The following TFAM variants were observed in gnomAD, a reference collection of about 807,000 sequenced individuals.
TFAM encodes the protein mitochondrial transcription factor 1.
In TFAM, 13 loss-of-function variants were observed where a neutral mutation model predicts 30.6. The observed-to-expected ratio is 0.42, with a 90% CI of 0.28 to 0.67. TFAM has a LOEUF of 0.67. Among genes scored for constraint, TFAM ranks in the 30% least tolerant of loss-of-function variants. The probability of loss-of-function intolerance (pLI) is 0.21; values close to 1 mark genes in which losing one functional copy is unlikely to be tolerated. For missense variants in TFAM, 231 were observed against 293.7 expected, an observed-to-expected ratio of 0.79 and a Z score of 1.56; for synonymous variants, 106 against 94.8, an observed-to-expected ratio of 1.12 and a Z score of -0.69.
In TFAM at chr10:58,385,416, C is replaced by T. The variant is rs1053101601; in HGVS notation, c.-132C>T. On this transcript the variant is annotated 5_prime_UTR_variant, in exon 1 of 7. Transcript: ENST00000487519. Reference sequence around the variant, plus strand: ...GGATGTTAGCAGATTTCCCATAGTGCCTCGCTAGTGGCGGGCATGATAACA... The same window carrying T: ...GGATGTTAGCAGATTTCCCATAGTGTCTCGCTAGTGGCGGGCATGATAACA... 6 of 732,130 alleles carry T rather than the reference C, an allele frequency of 8.2e-6. No homozygotes were observed. In the African/African-American group the frequency reaches 8.6e-5, roughly 11 times the overall value. 45.4% of individuals were successfully genotyped at this position (732,130 alleles called of 1,614,324 possible).
intron 5 of TFAM, among the ~76,000 whole-genome samples, chr10:58,392,383 T>A (rs935341954): frequency 1.3e-5 from 2 of 152,172 alleles, no homozygotes; most frequent in Non-Finnish European, 2.9e-5. Context: ...TTAAATGTGA[T>A]CTGGTGCTTT....
In TFAM at chr10:58,394,402, C is replaced by G. The variant is rs565914185; in HGVS notation, c.582C>G (p.Asp194Glu). Residue 194 changes from aspartate (D) to glutamate (E), a missense_variant, in exon 6 of 7, where the codon GAC becomes GAG. By Grantham distance (45) the Asp-to-Glu change is conservative (BLOSUM62 2). Coordinates refer to ENST00000487519, the MANE Select transcript of TFAM (RefSeq NM_003201.3). ...TVKENWKNLS[D>E]SEKELYIQHA... ...AGGAAAACTGGAAAAATCTGTCTGA[C>G]TCTGAAAAGGAAGTGAGTATTACGG... 3 of 1,613,502 alleles carry G rather than the reference C, an allele frequency of 1.9e-6. No individual in the cohort carries two copies. The South Asian group carries it at 3.3e-5, about 18-fold the overall frequency.
In TFAM at chr10:58,394,372, T is replaced by C. The variant is rs754395413; in HGVS notation, c.552T>C (p.Thr184=). The change falls in exon 6 of 7, where the codon ACT becomes ACC. Residue 184 remains threonine, a synonymous_variant. Transcript: ENST00000487519. ...KGDSPQEKLK[T]VKENWKNLSD... is the part of the protein sequence containing the mutation. Reference sequence around the variant, plus strand: ...TTGTTTTACAGGAAAAGCTGAAGACTGTAAAGGAAAACTGGAAAAATCTGT... The same window carrying C: ...TTGTTTTACAGGAAAAGCTGAAGACCGTAAAGGAAAACTGGAAAAATCTGT... The C allele has an allele frequency of 9.9e-6, 16 of 1,613,362 alleles. No homozygotes were observed. The African/African-American group carries it at 1.7e-4, about 18-fold the overall frequency.
At chr10:58,385,757 C>G (rs1840474427) in intron 1 of TFAM, 109 bp downstream of exon 1, 6 of 897,456 alleles carry the variant, frequency 6.7e-6, no homozygotes, top group Non-Finnish European at 8.9e-6. Flanking sequence ...TCAGAGTCAC[C>G]CTGGTTCTTT....
Position 58,390,803 on chromosome 10 carries a change from A to G in TFAM, c.480A>G (p.Ser160=). 1.2e-6 allele frequency: 2 copies of G among 1,613,278 alleles called. No individual in the cohort carries two copies. Among genetic ancestry groups the G allele is most frequent in the Non-Finnish European group, 1.7e-6 (2 of 1,179,764 alleles). ...TLLGKPKRPR[S]AYNVYVAERF... is the part of the protein sequence containing the mutation. ...TTGGAAAACCAAAAAGACCTCGTTC[A>G]GCTTATAACGTTTATGTAGCTGAAA... The change falls in exon 5 of 7, where the codon TCA becomes TCG. Residue 160 remains serine (S), a synonymous_variant. Transcript: ENST00000487519.
Position 58,390,642 on chromosome 10 carries a change from GA to G in TFAM, c.442-121del, listed in dbSNP as rs1196680001. 3.8e-6 allele frequency: 3 copies of G among 782,418 alleles called. No individual in the cohort carries two copies. In the Admixed American group the frequency reaches 6.7e-5, roughly 17 times the overall value. The allele number at this position is 782,418 out of a possible 1,614,324, so 48.5% of individuals were successfully genotyped here. The stretch of plus-strand genomic sequence containing the variant: ...AAGATGTAATAATCACACTATATAA[GA>G]ATCATAACATTCACTTTAAGGAATA... On this transcript the variant is annotated intron_variant, in intron 4 of 6. Transcript: ENST00000487519.
At chr10:58,387,212 A>G (rs531204305) in intron 2 of TFAM, among the ~76,000 whole-genome samples, 1 of 152,258 alleles carries the variant, frequency 6.6e-6, no homozygotes, top group African/African-American at 2.4e-5. Context: ...GCAGTGAGCC[A>G]TGACTGCTCC....
rs763547465 is a variant in TFAM at position 58,396,656 on chromosome 10, T to A, written c.*1582T>A. On this transcript the variant is annotated 3_prime_UTR_variant, in exon 7 of 7. Coordinates refer to ENST00000487519, the MANE Select transcript of TFAM (RefSeq NM_003201.3). Reference sequence around the variant, plus strand: ...GTTTTCACCACCTGTTTGAGCAGAATAATTCTCATCAGTTCACAGATATAG... The same window carrying A: ...GTTTTCACCACCTGTTTGAGCAGAAAAATTCTCATCAGTTCACAGATATAG... 6.6e-6 allele frequency: 1 copy of A among 152,242 alleles called. No homozygotes were observed. Among genetic ancestry groups the A allele is most frequent in the African/African-American group, 2.4e-5 (1 of 41,470 alleles). 9.4% of individuals were successfully genotyped at this position (152,242 alleles called of 1,614,324 possible).
At chr10:58,389,599 G>A (rs556057061) in intron 4 of TFAM, among the ~76,000 whole-genome samples, 1 of 152,248 alleles carries the variant, frequency 6.6e-6, no homozygotes, top group Admixed American at 6.5e-5. Context: ...TTGAGGACCC[G>A]CCCAGTTTCG....
At position 58,395,208 on chromosome 10, in the gene TFAM, T is replaced by C; in HGVS notation, c.*134T>C. 1.1e-6 allele frequency: 1 copy of C among 906,892 alleles called. No individual in the cohort carries two copies. The highest frequency in any genetic ancestry group is 1.7e-6 in the Non-Finnish European group (1 of 578,790). 56.2% of individuals were successfully genotyped at this position (906,892 alleles called of 1,614,324 possible). ...TATATTTAGTATCTTTTTATTCAGC[T>C]CATGGACTTCTGCCAGCATAATACT... On this transcript the variant is annotated 3_prime_UTR_variant, in exon 7 of 7. Coordinates refer to ENST00000487519, the MANE Select transcript of TFAM (RefSeq NM_003201.3).
At position 58,396,816 on chromosome 10, in the gene TFAM, A is replaced by C. The variant is rs535423399; in HGVS notation, c.*1742A>C. 49 of 152,342 alleles carry C rather than the reference A, an allele frequency of 3.2e-4. No individual in the cohort carries two copies. Among genetic ancestry groups the C allele is most frequent in the Admixed American group, 2.7e-3 (41 of 15,304 alleles). 9.4% of individuals were successfully genotyped at this position (152,342 alleles called of 1,614,324 possible). On this transcript the variant is annotated 3_prime_UTR_variant, in exon 7 of 7. Transcript: ENST00000487519. ...GTTATATGCTGAGCTTGACAAAGGT[A>C]GGAATGGGAGAGAAAAATAGTAGCT...
rs1308514905 is a variant in TFAM at position 58,385,561 on chromosome 10, G to A, written c.14G>A (p.Arg5Gln). Residue 5 changes from arginine (R) to glutamine (Q), a missense_variant, in exon 1 of 7, where the codon CGA becomes CAA. Physicochemically the swap from Arg to Gln is conservative, Grantham distance 43. Transcript: ENST00000487519. ...TCCACCGGAGCGATGGCGTTTCTCCGAAGCATGTGGGGCGTGCTGAGTGCC... is the reference window on the plus strand; with the variant it reads ...TCCACCGGAGCGATGGCGTTTCTCCAAAGCATGTGGGGCGTGCTGAGTGCC... MAFL[R>Q]SMWGVLSALG... 1.3e-6 allele frequency: 2 copies of A among 1,567,748 alleles called. No individual in the cohort carries two copies. Among genetic ancestry groups the A allele is most frequent in the Middle Eastern group, 1.7e-4 (1 of 6,006 alleles).
chr10:58,386,252 T>C lies in TFAM; in HGVS notation c.134T>C (p.Val45Ala). 6.2e-7 allele frequency: 1 copy of C among 1,613,740 alleles called. No individual in the cohort carries two copies. Among genetic ancestry groups the C allele is most frequent in the Non-Finnish European group, 8.5e-7 (1 of 1,179,884 alleles). Reference protein sequence around the residue: ...FVYLPRWFSSVLASCPKKPVS... With the variant: ...FVYLPRWFSSALASCPKKPVS... Reference sequence around the variant, plus strand: ...TATTTACCGAGGTGGTTTTCATCTGTCTTGGCAAGTTGTCCAAAGAAACCT... The same window carrying C: ...TATTTACCGAGGTGGTTTTCATCTGCCTTGGCAAGTTGTCCAAAGAAACCT... The change falls in exon 2 of 7, where the codon GTC becomes GCC. Residue 45 changes from valine (V) to alanine (A), a missense_variant. Transcript: ENST00000487519.
intron 2 of TFAM, 119 bp from the exon 3 acceptor site, chr10:58,388,071 A>G: frequency 1.3e-6 from 1 of 763,062 alleles, no homozygotes; most frequent in Admixed American, 2.4e-5. Context: ...GGATAAAGGA[A>G]AGTTAAATCA....
In TFAM at chr10:58,389,033, A is replaced by G. The variant is rs140798898; in HGVS notation, c.441+214A>G. On this transcript the variant is annotated intron_variant, in intron 4 of 6. Coordinates refer to ENST00000487519, the MANE Select transcript of TFAM (RefSeq NM_003201.3). ...AGTCTGTTTGGAAATCCTTGTTGCT[A>G]CTTGCAGATGTATCCACATTTAAGG... Among the ~76,000 whole-genome samples the G allele has an allele frequency of 0.014, 2,157 of 152,286 alleles. 50 individuals carry two copies. The highest frequency in any genetic ancestry group is 0.049 in the African/African-American group (2,031 of 41,544).
chr10:58,388,042 A>T (rs1047531705), intron 2 of TFAM, 148 bp from the exon 3 acceptor site: 1 of 659,220 alleles, frequency 1.5e-6, no homozygotes, highest in Non-Finnish European at 2.6e-6. Flanking sequence ...TGGATAAATT[A>T]CTTACGTTTA....
chr10:58,387,003 C>A (rs1002024844), intron 2 of TFAM, among the ~76,000 whole-genome samples: 2 of 152,124 alleles, frequency 1.3e-5, no homozygotes, highest in Admixed American at 6.5e-5. Context: ...GTGGTTCACA[C>A]CTGTAATCCC....
At chr10:58,394,273 G>A in intron 5 of TFAM, 85 bp from the exon 6 acceptor site, 1 of 953,748 alleles carries the variant, frequency 1.0e-6, no homozygotes, top group Non-Finnish European at 1.7e-6. Context: ...GTAATTCTTG[G>A]TATCTTGAGT....
At chr10:58,385,721 C>T in intron 1 of TFAM, 73 bp downstream of exon 1, 1 of 1,152,020 alleles carries the variant, frequency 8.7e-7, no homozygotes, top group African/African-American at 1.5e-5. Flanking sequence ...AGACCCTATC[C>T]TTCACTTTCT....
Sources: allele counts gnomAD v4.1 joint callset (sites outside exome capture counted in the v4.1 genomes callset), GRCh38; gene constraint gnomAD v4.1.1; transcripts MANE v1.5; gene names NCBI Gene and HGNC (gene_info 2026-07-23, HGNC 2026-07-21).